COL14A1: variants seen among roughly 807,000 people sequenced by gnomAD.
COL14A1 encodes the protein collagen type XIV alpha 1 chain, also known as collagen alpha-1(XIV) chain.
Under a neutral mutation model 230.3 loss-of-function variants are expected in COL14A1, and 136 were observed. The observed-to-expected ratio is 0.59, with a 90% CI of 0.51 to 0.68. The LOEUF (loss-of-function observed/expected upper bound fraction) is 0.68, where lower values mean the gene tolerates loss of function less well. Among genes scored for constraint, COL14A1 ranks in the 30% least tolerant of loss-of-function variants. The pLI is 0.00. For missense variants in COL14A1, 1,976 were observed against 2,215.8 expected (o/e 0.89, Z 2.17); for synonymous variants, 792 against 784.1 (o/e 1.01, Z -0.17).
chr8:120,148,152 T>TC (rs1815159194), intron 2 of COL14A1, among the ~76,000 whole-genome samples: 1 of 150,396 alleles, frequency 6.6e-6, no homozygotes. Flanking sequence ...TTCTTTTTTT[T>TC]TTTTTTTTTT....
At chr8:120,299,437 C>T (rs534253601) in intron 35 of COL14A1, among the ~76,000 whole-genome samples, 11 of 152,068 alleles carry the variant, frequency 7.2e-5, no homozygotes, top group Admixed American at 3.9e-4. Context: ...AGGAGAAACA[C>T]TCGGAATCCT....
At chr8:120,238,633 C>T (rs1818522523) in intron 19 of COL14A1, among the ~76,000 whole-genome samples, 1 of 152,150 alleles carries the variant, frequency 6.6e-6, no homozygotes, top group Non-Finnish European at 1.5e-5. Context: ...GTCTCGCTGG[C>T]ATTCCAGGCA....
At chr8:120,249,793 A>G (rs570557054) in intron 21 of COL14A1, among the ~76,000 whole-genome samples, 1 of 152,348 alleles carries the variant, frequency 6.6e-6, no homozygotes, top group South Asian at 2.1e-4. Context: ...AGAAATATAC[A>G]TGTATGGTCA....
chr8:120,177,327 CT>C (rs1402227242), intron 5 of COL14A1, among the ~76,000 whole-genome samples: 1 of 152,068 alleles, frequency 6.6e-6, no homozygotes, highest in Non-Finnish European at 1.5e-5. Context: ...ATTCTATGAA[CT>C]TTAATTATGG....
chr8:120,210,911 T>G (rs1248334029), intron 12 of COL14A1, among the ~76,000 whole-genome samples: 1 of 151,946 alleles, frequency 6.6e-6, no homozygotes, highest in African/African-American at 2.4e-5. Context: ...TAAATTATTT[T>G]GACAAAAGAG....
intron 1 of COL14A1, among the ~76,000 whole-genome samples, chr8:120,126,416 AG>A: frequency 6.6e-6 from 1 of 152,320 alleles, no homozygotes; most frequent in Non-Finnish European, 1.5e-5. Context: ...CACATGGGCC[AG>A]GATTTCCCCC....
chr8:120,210,035 C>A, intron 12 of COL14A1, 134 bp downstream of exon 12: 1 of 629,408 alleles, frequency 1.6e-6, no homozygotes. Flanking sequence ...CACTTATAAT[C>A]CCACCACTGA....
At chr8:120,330,531 T>C (rs1318952028) in intron 40 of COL14A1, among the ~76,000 whole-genome samples, 2 of 152,126 alleles carry the variant, frequency 1.3e-5, no homozygotes, top group Non-Finnish European at 2.9e-5. Flanking sequence ...CATCAGATCT[T>C]GTGAGACTTG....
intron 4 of COL14A1, among the ~76,000 whole-genome samples, chr8:120,166,002 AG>A: frequency 6.6e-6 from 1 of 152,260 alleles, no homozygotes; most frequent in East Asian, 1.9e-4. Context: ...TGTGACTGAG[AG>A]GTGGTCATTG....
chr8:120,191,547 G>A (rs1239732115), intron 5 of COL14A1, among the ~76,000 whole-genome samples: 9 of 151,926 alleles, frequency 5.9e-5, no homozygotes, highest in African/African-American at 1.9e-4. Context: ...GAGTTCTGTA[G>A]ATGTCTATTA....
At chr8:120,137,728 A>G (rs1814759798) in intron 1 of COL14A1, among the ~76,000 whole-genome samples, 1 of 151,892 alleles carries the variant, frequency 6.6e-6, no homozygotes, top group African/African-American at 2.4e-5. Context: ...TTAGAAGCAT[A>G]TTGTTTAATT....
chr8:120,351,924 A>G (rs932672007), intron 45 of COL14A1, among the ~76,000 whole-genome samples: 1 of 100,080 alleles, frequency 1.0e-5, no homozygotes, highest in African/African-American at 4.7e-5. Flanking sequence ...AGCCGGGCAG[A>G]GACACAACCA....
intron 5 of COL14A1, among the ~76,000 whole-genome samples, chr8:120,174,552 G>A (rs1230935642): frequency 2.0e-5 from 3 of 152,290 alleles, no homozygotes; most frequent in African/African-American, 7.2e-5. Flanking sequence ...AGATTCATAA[G>A]CAGTCCATTT....
chr8:120,309,975 G>C (rs1820977890), intron 36 of COL14A1, 34 bp from the exon 37 acceptor site: 1 of 1,606,566 alleles, frequency 6.2e-7, no homozygotes, highest in Non-Finnish European at 8.5e-7. Context: ...TTTGAGATTT[G>C]TCTTTGAGCT....
At chr8:120,249,111 T>TC (rs1393682175) in intron 21 of COL14A1, among the ~76,000 whole-genome samples, 2 of 148,310 alleles carry the variant, frequency 1.3e-5, no homozygotes, top group Non-Finnish European at 3.0e-5. Context: ...TTTTTTTTTT[T>TC]AGTAGAGACG....
intron 26 of COL14A1, among the ~76,000 whole-genome samples, chr8:120,274,320 C>T (rs1216510795): frequency 2.6e-5 from 4 of 151,822 alleles, no homozygotes; most frequent in Non-Finnish European, 5.9e-5. Flanking sequence ...ATAGAAAGGA[C>T]ATACCTCAAA....
chr8:120,355,753 C>T (rs950066604), intron 45 of COL14A1, among the ~76,000 whole-genome samples: 2 of 152,058 alleles, frequency 1.3e-5, no homozygotes, highest in African/African-American at 4.8e-5. Context: ...CCTTTAGTTT[C>T]CATAATCCTC....
intron 5 of COL14A1, among the ~76,000 whole-genome samples, chr8:120,174,311 A>G (rs538958200): frequency 6.6e-6 from 1 of 152,020 alleles, no homozygotes; most frequent in South Asian, 2.1e-4. Flanking sequence ...TTTAAGGTGA[A>G]ATCTGTGGAA....
intron 42 of COL14A1, 91 bp from the exon 43 acceptor site, chr8:120,341,234 A>G: frequency 6.8e-6 from 9 of 1,317,684 alleles, no homozygotes; most frequent in Non-Finnish European, 8.8e-6. Flanking sequence ...TGCTAAGAAA[A>G]ATGTCTTAAT....
Sources: gnomAD v4.1 joint callset for allele counts (sites outside exome capture counted in the v4.1 genomes callset) on GRCh38, gnomAD v4.1.1 for gene constraint, MANE v1.5 for transcripts, NCBI Gene and HGNC (gene_info 2026-07-23, HGNC 2026-07-21) for gene names.